NUAK1: variants seen among roughly 807,000 people sequenced by gnomAD.
NUAK1 encodes the protein NUAK family SNF1-like kinase 1.
A neutral mutation model predicts 56.9 loss-of-function variants in NUAK1; 26 were observed. The observed-to-expected ratio is 0.46, with a 90% CI of 0.33 to 0.63. The LOEUF (loss-of-function observed/expected upper bound fraction) is 0.63, where lower values mean the gene tolerates loss of function less well. Ranked by LOEUF, NUAK1 falls within the 30% of genes least tolerant of loss-of-function variation. The probability of loss-of-function intolerance (pLI) is 0.02; values close to 1 mark genes in which losing one functional copy is unlikely to be tolerated. For synonymous variants in NUAK1, 337 were observed against 336.0 expected (o/e 1.00, Z -0.03); for missense variants, 727 against 876.1 (o/e 0.83, Z 2.15).
chr12:106,117,879 G>A (rs1009079558), intron 1 of NUAK1, among the ~76,000 whole-genome samples: 1 of 152,204 alleles, frequency 6.6e-6, no homozygotes, highest in Non-Finnish European at 1.5e-5. Context: ...AGGAACTGCT[G>A]TGTTCCCCTC....
intron 1 of NUAK1, among the ~76,000 whole-genome samples, chr12:106,135,323 AG>A (rs2033119059): frequency 6.6e-6 from 1 of 152,256 alleles, no homozygotes; most frequent in African/African-American, 2.4e-5. Flanking sequence ...GCTTTAGCAG[AG>A]GCTGCAAGAC....
At chr12:106,106,971 T>C (rs2032809442) in intron 1 of NUAK1, among the ~76,000 whole-genome samples, 1 of 152,186 alleles carries the variant, frequency 6.6e-6, no homozygotes, top group African/African-American at 2.4e-5. Flanking sequence ...AAAAAATCAT[T>C]ACTGCCTGGC....
At chr12:106,115,355 G>A (rs1267511211) in intron 1 of NUAK1, among the ~76,000 whole-genome samples, 1 of 152,190 alleles carries the variant, frequency 6.6e-6, no homozygotes, top group Admixed American at 6.5e-5. Flanking sequence ...AAGTGAAAGA[G>A]AAGATTCTGC....
chr12:106,072,554 T>A (rs1483634647), intron 5 of NUAK1, among the ~76,000 whole-genome samples, 170 bp downstream of exon 5: 1 of 152,238 alleles, frequency 6.6e-6, no homozygotes, highest in Non-Finnish European at 1.5e-5. Flanking sequence ...TTTCCCAAAT[T>A]TCCTCCCAGG....
chr12:106,115,371 T>G (rs1263637700), intron 1 of NUAK1, among the ~76,000 whole-genome samples: 1 of 152,224 alleles, frequency 6.6e-6, no homozygotes, highest in Non-Finnish European at 1.5e-5. Flanking sequence ...TCTGCAGAAG[T>G]TATTTTTATC....
chr12:106,073,716 G>T (rs1367238183), intron 4 of NUAK1, among the ~76,000 whole-genome samples: 1 of 152,010 alleles, frequency 6.6e-6, no homozygotes, highest in Admixed American at 6.6e-5. Flanking sequence ...TACTCGGGAG[G>T]CTGAGGCATG....
chr12:106,106,377 G>A (rs1158486756), intron 2 of NUAK1, 28 bp downstream of exon 2: 1 of 1,520,770 alleles, frequency 6.6e-7, no homozygotes, highest in Non-Finnish European at 8.8e-7. Flanking sequence ...AACTGATATG[G>A]GGGTTAAAAA....
At chr12:106,085,677 G>C (rs1444317936) in intron 3 of NUAK1, among the ~76,000 whole-genome samples, 2 of 152,138 alleles carry the variant, frequency 1.3e-5, no homozygotes, top group East Asian at 3.8e-4. Context: ...CAGAAACCAA[G>C]AGTGGCTCTA....
At chr12:106,111,458 T>C (rs2032859000) in intron 1 of NUAK1, among the ~76,000 whole-genome samples, 1 of 151,936 alleles carries the variant, frequency 6.6e-6, no homozygotes, top group Admixed American at 6.6e-5. Flanking sequence ...TTGTATGTCG[T>C]CGAGGCTCTA....
chr12:106,087,576 C>T (rs2032586565), intron 2 of NUAK1, among the ~76,000 whole-genome samples: 1 of 152,184 alleles, frequency 6.6e-6, no homozygotes, highest in East Asian at 1.9e-4. Context: ...AATGAGTAAA[C>T]TCAAACTACA....
At chr12:106,097,970 G>T (rs979226627) in intron 2 of NUAK1, among the ~76,000 whole-genome samples, 1 of 152,204 alleles carries the variant, frequency 6.6e-6, no homozygotes, top group Non-Finnish European at 1.5e-5. Flanking sequence ...ACCTCTGCTG[G>T]GTTCTGCAGA....
intron 2 of NUAK1, among the ~76,000 whole-genome samples, chr12:106,096,040 G>A (rs1249536228): frequency 1.3e-5 from 2 of 152,184 alleles, no homozygotes; most frequent in Non-Finnish European, 2.9e-5. Flanking sequence ...CCATTGTGGA[G>A]GCCCCTCTTC....
chr12:106,101,109 G>T (rs980029080), intron 2 of NUAK1, among the ~76,000 whole-genome samples: 4 of 152,168 alleles, frequency 2.6e-5, no homozygotes, highest in South Asian at 2.1e-4. Context: ...CTCACAGACT[G>T]GGGTCCCACC....
chr12:106,088,367 C>A (rs558831511), intron 2 of NUAK1, among the ~76,000 whole-genome samples: 85 of 152,278 alleles, frequency 5.6e-4, no homozygotes, highest in Middle Eastern at 3.4e-3. Flanking sequence ...CCCCCTATGC[C>A]CAGCACCCTA....
chr12:106,067,752 C>T lies in NUAK1; in HGVS notation c.1036G>A (p.Glu346Lys), dbSNP rs374885903. Reference sequence around the variant, plus strand: ...TTGGCCAGGCCCTTCATTTTGGCTTCGGTGTCAGCCTGCAGCCCTGTGGAA... The same window carrying T: ...TTGGCCAGGCCCTTCATTTTGGCTTTGGTGTCAGCCTGCAGCCCTGTGGAA... Reference protein sequence around the residue: ...HRSTGLQADTEAKMKGLAKPT... With the variant: ...HRSTGLQADTKAKMKGLAKPT... The change falls in exon 7 of 7, where the codon GAA becomes AAA. Residue 346 changes from glutamate to lysine, a missense_variant. Physicochemically the swap from Glu to Lys is moderately conservative, Grantham distance 56. Coordinates refer to ENST00000261402, the MANE Select transcript of NUAK1 (RefSeq NM_014840.3). The surrounding 1 kb of genome is among the most constrained non-coding windows in gnomAD (Gnocchi z 6.0). 9 of 1,614,040 alleles carry T rather than the reference C, an allele frequency of 5.6e-6. No individual in the cohort carries two copies. Among genetic ancestry groups the T allele is most frequent in the South Asian group, 3.3e-5 (3 of 91,084 alleles).
rs1367508486 is a variant in NUAK1, at chr12:106,138,770, G to A, written c.-117C>T. 5.1e-6 allele frequency: 7 copies of A among 1,361,240 alleles called. No individual in the cohort carries two copies. Among genetic ancestry groups the A allele is most frequent in the Non-Finnish European group, 6.7e-6 (7 of 1,045,464 alleles). The allele number at this position is 1,361,240 out of a possible 1,614,324, so 84.3% of individuals were successfully genotyped here. A position where few individuals can be genotyped will look rare whatever the true frequency, so the allele number is the denominator to read the frequency against. ...TCAAGGTCGCCCCCGCAGCATCAGG[G>A]AGGCGGCCCGATACCGCTCGGACTG... On this transcript the variant is annotated 5_prime_UTR_variant, in exon 1 of 7. Coordinates refer to ENST00000261402, the MANE Select transcript of NUAK1 (RefSeq NM_014840.3). The surrounding 1 kb of genome is among the most constrained non-coding windows in gnomAD (Gnocchi z 5.0).
At chr12:106,098,256 A>C (rs1313613052) in intron 2 of NUAK1, among the ~76,000 whole-genome samples, 1 of 152,170 alleles carries the variant, frequency 6.6e-6, no homozygotes, top group Non-Finnish European at 1.5e-5. Flanking sequence ...TTTAACTGAT[A>C]GTGCACTCAT....
At chr12:106,094,774 T>C (rs1374254582) in intron 2 of NUAK1, among the ~76,000 whole-genome samples, 5 of 152,194 alleles carry the variant, frequency 3.3e-5, no homozygotes, top group Non-Finnish European at 1.5e-5. Flanking sequence ...TAAGAAAGTG[T>C]AGAAGCCACC....
chr12:106,119,603 C>T (rs1775720213), intron 1 of NUAK1, among the ~76,000 whole-genome samples: 1 of 152,190 alleles, frequency 6.6e-6, no homozygotes, highest in South Asian at 2.1e-4. Context: ...CTGACAGAAG[C>T]AAGACATGAC....
Sources: gnomAD v4.1 joint callset for allele counts (sites outside exome capture counted in the v4.1 genomes callset) on GRCh38, gnomAD v4.1.1 for gene constraint, Gnocchi (gnomAD v3.1) non-coding constraint, MANE v1.5 for transcripts, NCBI Gene and HGNC (gene_info 2026-07-23, HGNC 2026-07-21) for gene names.